EBF1: variants seen among roughly 807,000 people sequenced by gnomAD.
EBF1 encodes transcription factor COE1.
A neutral mutation model predicts 68.4 loss-of-function variants in EBF1; 10 were observed. The observed-to-expected ratio is 0.15, with a 90% CI of 0.09 to 0.25. EBF1 has a LOEUF of 0.25. Among genes scored for constraint, EBF1 ranks in the 10% least tolerant of loss-of-function variants. The probability of loss-of-function intolerance (pLI) is 1.00; values close to 1 mark genes in which losing one functional copy is unlikely to be tolerated. For missense variants in EBF1, 509 were observed against 794.4 expected (o/e 0.64, Z 4.32); for synonymous variants, 298 against 299.8 (o/e 0.99, Z 0.06).
intron 4 of EBF1, among the ~76,000 whole-genome samples, chr5:159,088,060 A>C (rs564192107): frequency 2.6e-5 from 4 of 152,288 alleles, no homozygotes; most frequent in South Asian, 2.1e-4. Flanking sequence ...TAACTAAAGT[A>C]AACTAAAAAC....
intron 10 of EBF1, among the ~76,000 whole-genome samples, chr5:158,741,411 C>G (rs1244844073): frequency 6.6e-6 from 1 of 151,856 alleles, no homozygotes; most frequent in African/African-American, 2.4e-5. Context: ...CTCGTCTCTA[C>G]AAAAGATTAA....
intron 6 of EBF1, among the ~76,000 whole-genome samples, chr5:158,903,232 TAAG>T (rs1354539242): frequency 5.3e-5 from 8 of 152,348 alleles, no homozygotes; most frequent in East Asian, 1.9e-4. Context: ...CATTTATAAA[TAAG>T]AAGATTACTC....
chr5:159,037,650 C>T (rs1210584360), intron 6 of EBF1, among the ~76,000 whole-genome samples: 1 of 118,640 alleles, frequency 8.4e-6, no homozygotes, highest in African/African-American at 3.3e-5. Context: ...ACTCTGGGGA[C>T]TGTGGTGGGG....
intron 8 of EBF1, among the ~76,000 whole-genome samples, chr5:158,812,028 T>G (rs1234249559): frequency 1.3e-5 from 2 of 152,202 alleles, no homozygotes; most frequent in East Asian, 3.9e-4. Context: ...ATCATTGCAG[T>G]TTAAATCATT....
At chr5:158,932,591 T>C (rs1005663537) in intron 6 of EBF1, among the ~76,000 whole-genome samples, 9 of 152,220 alleles carry the variant, frequency 5.9e-5, no homozygotes, top group African/African-American at 1.9e-4. Context: ...CAATAATATG[T>C]CTTTTTTAGA....
chr5:159,092,936 A>C (rs1678700417), intron 4 of EBF1, among the ~76,000 whole-genome samples: 1 of 152,248 alleles, frequency 6.6e-6, no homozygotes, highest in African/African-American at 2.4e-5. Context: ...GTTTATATCA[A>C]GACTTACATC....
chr5:158,943,192 C>T (rs1383432872), intron 6 of EBF1, among the ~76,000 whole-genome samples: 1 of 151,730 alleles, frequency 6.6e-6, no homozygotes, highest in African/African-American at 2.4e-5. Flanking sequence ...CACATTAATG[C>T]AAACAGAGGC....
At chr5:158,856,221 G>A (rs1455424984) in intron 6 of EBF1, among the ~76,000 whole-genome samples, 7 of 152,160 alleles carry the variant, frequency 4.6e-5, no homozygotes, top group Non-Finnish European at 8.8e-5. Context: ...TTTAAGCCAA[G>A]AGGTGTCGTG....
chr5:159,086,133 A>G (rs1381197559), intron 4 of EBF1, among the ~76,000 whole-genome samples: 11 of 152,180 alleles, frequency 7.2e-5, no homozygotes, highest in Admixed American at 7.2e-4. Flanking sequence ...AAGAATATGT[A>G]AAAAATTCCA....
intron 4 of EBF1, among the ~76,000 whole-genome samples, chr5:159,092,804 T>C (rs1412148099): frequency 6.6e-6 from 1 of 152,178 alleles, no homozygotes; most frequent in African/African-American, 2.4e-5. Context: ...CCACAATTGA[T>C]GATGTTATCA....
At chr5:158,748,127 A>C (rs1162588549) in intron 10 of EBF1, among the ~76,000 whole-genome samples, 1 of 152,214 alleles carries the variant, frequency 6.6e-6, no homozygotes, top group African/African-American at 2.4e-5. Flanking sequence ...GTATATCCAC[A>C]TATGCTACAT....
chr5:158,886,531 T>A (rs1800085945), intron 6 of EBF1, among the ~76,000 whole-genome samples: 1 of 152,248 alleles, frequency 6.6e-6, no homozygotes, highest in Admixed American at 6.5e-5. Flanking sequence ...AAACCCTCTG[T>A]CTATCTTAAA....
At chr5:158,974,437 C>G (rs1756296715) in intron 6 of EBF1, among the ~76,000 whole-genome samples, 1 of 152,112 alleles carries the variant, frequency 6.6e-6, no homozygotes, top group Non-Finnish European at 1.5e-5. Context: ...GATGATCTGT[C>G]TAAATTTCAA....
In EBF1 at chr5:158,696,923, T is replaced by C. The variant is rs1174202334; in HGVS notation, c.*2188A>G. ...TTTTTTTTTTTTTCTTTTTTTCTTTTTCTTTTTTCTTAGAATGTTAGTGAT... is the reference window on the plus strand; with the variant it reads ...TTTTTTTTTTTTTCTTTTTTTCTTTCTCTTTTTTCTTAGAATGTTAGTGAT... On this transcript the variant is annotated 3_prime_UTR_variant, in exon 16 of 16. Coordinates refer to ENST00000313708, the MANE Select transcript of EBF1 (RefSeq NM_024007.5). 1.0e-5 allele frequency: 2 copies of C among 196,554 alleles called. No homozygotes were observed. Among genetic ancestry groups the C allele is most frequent in the Non-Finnish European group, 2.1e-5 (2 of 95,080 alleles). The allele number at this position is 196,554 out of a possible 1,614,324, so 12.2% of individuals were successfully genotyped here.
chr5:158,828,595 C>A (rs1354506573), intron 7 of EBF1, among the ~76,000 whole-genome samples: 1 of 152,086 alleles, frequency 6.6e-6, no homozygotes, highest in Non-Finnish European at 1.5e-5. Flanking sequence ...ACAAGGGAAA[C>A]CTGAATAAGA....
intron 6 of EBF1, among the ~76,000 whole-genome samples, chr5:159,007,405 T>G (rs1049337386): frequency 6.6e-6 from 1 of 152,232 alleles, no homozygotes; most frequent in Non-Finnish European, 1.5e-5. Flanking sequence ...GGAATGCTTT[T>G]GGATGACTGT....
intron 6 of EBF1, among the ~76,000 whole-genome samples, chr5:158,921,702 G>C (rs1163778413): frequency 5.3e-5 from 8 of 152,150 alleles, no homozygotes; most frequent in Non-Finnish European, 1.5e-5. Context: ...ACCAATACTT[G>C]TTTTGGCGGT....
At chr5:158,984,215 G>A (rs977881743) in intron 6 of EBF1, among the ~76,000 whole-genome samples, 2 of 152,020 alleles carry the variant, frequency 1.3e-5, no homozygotes, top group Non-Finnish European at 2.9e-5. Flanking sequence ...TATCAATGGT[G>A]GCCAAAACCA....
intron 7 of EBF1, among the ~76,000 whole-genome samples, chr5:158,838,303 G>A (rs930565234): frequency 4.6e-5 from 7 of 151,872 alleles, no homozygotes; most frequent in African/African-American, 1.2e-4. Flanking sequence ...AAAATTAGCC[G>A]GGCATGGTGG....
Sources: allele counts gnomAD v4.1 joint callset (sites outside exome capture counted in the v4.1 genomes callset), GRCh38; gene constraint gnomAD v4.1.1; transcripts MANE v1.5; gene names NCBI Gene and HGNC (gene_info 2026-07-23, HGNC 2026-07-21).